Variants in PLEK2 observed in about 807,000 individuals in gnomAD.
PLEK2 encodes the protein pleckstrin-2.
A neutral mutation model predicts 43.8 loss-of-function variants in PLEK2; 29 were observed. That is an observed-to-expected ratio of 0.66 (90% CI 0.49 to 0.90). The LOEUF is 0.90. Ranked by LOEUF, PLEK2 falls within the 40% of genes least tolerant of loss-of-function variation. The pLI is 0.00. For synonymous variants in PLEK2, 162 were observed against 173.2 expected, an observed-to-expected ratio of 0.94 and a Z score of 0.51; for missense variants, 398 against 448.1, an observed-to-expected ratio of 0.89 and a Z score of 1.01.
rs1419278253 is a variant in PLEK2, at chr14:67,403,931, A to ACAC, written c.43-6106_43-6105insGTG. ...GCTGGGTGTGGTGGCACACTCCTGT[A>ACAC]GTCTCAGCCAACTCAAGAGGCTGAG... is the stretch of plus-strand genomic sequence containing the variant. On this transcript the variant is annotated intron_variant, in intron 1 of 8. Transcript: ENST00000216446. Among the ~76,000 whole-genome samples the ACAC allele has an allele frequency of 5.3e-5, 8 of 152,276 alleles. No homozygotes were observed. In the East Asian group the frequency reaches 1.4e-3, roughly 26 times the overall value.
At position 67,395,662 on chromosome 14, in the gene PLEK2, G is replaced by A. The variant is rs149617556; in HGVS notation, c.208-79C>T. ...CGGGCAGCAAAAATGACGGGGCCCCGGGAGAATCTAGGTGACAGTGACTGC... is the reference window on the plus strand; with the variant it reads ...CGGGCAGCAAAAATGACGGGGCCCCAGGAGAATCTAGGTGACAGTGACTGC... On this transcript the variant is annotated intron_variant, in intron 2 of 8. Coordinates refer to ENST00000216446, the MANE Select transcript of PLEK2 (RefSeq NM_016445.3). The A allele has an allele frequency of 2.2e-3, 2,634 of 1,223,948 alleles. 5 individuals are homozygous for A. The highest frequency in any genetic ancestry group is 2.5e-3 in the Non-Finnish European group (2,119 of 848,338). 75.8% of individuals were successfully genotyped at this position (1,223,948 alleles called of 1,614,324 possible). A position where few individuals can be genotyped will look rare whatever the true frequency, so the allele number is the denominator to read the frequency against.
At chr14:67,393,274 C>T (rs372795799) in intron 3 of PLEK2, 33 bp from the exon 4 acceptor site, 9 of 1,480,370 alleles carry the variant, frequency 6.1e-6, no homozygotes, top group African/African-American at 1.4e-5. Context: ...GAGAGGGAAC[C>T]CTCATCACGC....
At chr14:67,394,818 A>G (rs10143008) in intron 3 of PLEK2, among the ~76,000 whole-genome samples, 3,116 of 152,292 alleles carry the variant, frequency 0.02, 102 homozygotes, top group African/African-American at 0.071. Context: ...GGTTAAATGA[A>G]TTAATGAATT....
intron 1 of PLEK2, among the ~76,000 whole-genome samples, chr14:67,400,683 A>C (rs2086042095): frequency 6.6e-6 from 1 of 151,766 alleles, no homozygotes; most frequent in African/African-American, 2.4e-5. Flanking sequence ...GGTGGAGTAG[A>C]GGAGAGGGCA....
At chr14:67,399,509 G>C (rs957587722) in intron 1 of PLEK2, among the ~76,000 whole-genome samples, 1 of 144,238 alleles carries the variant, frequency 6.9e-6, no homozygotes, top group Non-Finnish European at 1.5e-5. Context: ...AATAGAGAAG[G>C]GTCGTTTAGG....
At chr14:67,411,158 A>AAAT (rs1355326400) in intron 1 of PLEK2, among the ~76,000 whole-genome samples, 4 of 149,620 alleles carry the variant, frequency 2.7e-5, no homozygotes, top group African/African-American at 9.8e-5. Flanking sequence ...AAAAAAAAAA[A>AAAT]GGTCAAATCA....
chr14:67,409,889 TG>T (rs1353777196), intron 1 of PLEK2, among the ~76,000 whole-genome samples: 1 of 152,106 alleles, frequency 6.6e-6, no homozygotes, highest in African/African-American at 2.4e-5. Flanking sequence ...TATGGAGGGT[TG>T]AAAAAGTTGG....
rs143220208 is a variant in PLEK2 at position 67,393,220 on chromosome 14, G to A, written c.411C>T (p.His137=). 4.5e-5 allele frequency: 73 copies of A among 1,613,520 alleles called. No homozygotes were observed. Among genetic ancestry groups the A allele is most frequent in the Admixed American group, 3.3e-5 (2 of 60,016 alleles). ...ISLHRIVDKM[H]DSNTGIRSSP... The stretch of plus-strand genomic sequence containing the variant: ...TTGAACGGATTCCGGTGTTGCTATC[G>A]TGCATCTTGTCCACAATGCGACTAC... Residue 137 remains histidine (H), a synonymous_variant, in exon 4 of 9, where the codon CAC becomes CAT. Transcript: ENST00000216446.
At chr14:67,390,467 C>G (rs949172418) in intron 7 of PLEK2, among the ~76,000 whole-genome samples, 196 bp downstream of exon 7, 1 of 152,174 alleles carries the variant, frequency 6.6e-6, no homozygotes, top group Non-Finnish European at 1.5e-5. Context: ...ATGGAAGAAA[C>G]GGCTCAAGAA....
intron 5 of PLEK2, 108 bp from the exon 6 acceptor site, chr14:67,392,535 G>C: frequency 1.7e-6 from 2 of 1,205,248 alleles, no homozygotes; most frequent in Non-Finnish European, 2.5e-6. Context: ...ACCTCATTCT[G>C]CATCAGGATG....
chr14:67,397,128 G>A (rs1403479361), intron 2 of PLEK2, among the ~76,000 whole-genome samples: 2 of 152,054 alleles, frequency 1.3e-5, no homozygotes. Flanking sequence ...TAGTAGAGAT[G>A]GGGTTTCACC....
intron 1 of PLEK2, 81 bp downstream of exon 1, chr14:67,411,937 G>C: frequency 7.7e-7 from 1 of 1,292,070 alleles, no homozygotes; most frequent in East Asian, 3.0e-5. Context: ...CCGTTCCGGG[G>C]CGCGCGTCTG....
At chr14:67,390,912 A>G (rs941706247) in intron 6 of PLEK2, among the ~76,000 whole-genome samples, 166 bp from the exon 7 acceptor site, 1 of 151,968 alleles carries the variant, frequency 6.6e-6, no homozygotes, top group African/African-American at 2.4e-5. Flanking sequence ...CATGTCACAG[A>G]CCTCCCTGCC....
At chr14:67,391,088 C>T (rs1156572704) in intron 6 of PLEK2, among the ~76,000 whole-genome samples, 1 of 152,156 alleles carries the variant, frequency 6.6e-6, no homozygotes, top group Non-Finnish European at 1.5e-5. Context: ...CACAGGCAAA[C>T]TTGAACCCAA....
intron 1 of PLEK2, among the ~76,000 whole-genome samples, chr14:67,407,597 T>C (rs1021884549): frequency 2.0e-5 from 3 of 151,650 alleles, no homozygotes; most frequent in Middle Eastern, 3.2e-3. Flanking sequence ...AGTACCACCA[T>C]GACTGGCTAA....
intron 1 of PLEK2, among the ~76,000 whole-genome samples, chr14:67,411,734 A>G (rs2086116353): frequency 6.6e-6 from 1 of 152,254 alleles, no homozygotes; most frequent in Non-Finnish European, 1.5e-5. Context: ...TATTTTAACA[A>G]GTTTTAATTA....
At chr14:67,391,535 T>C (rs550412257) in intron 6 of PLEK2, among the ~76,000 whole-genome samples, 4 of 152,138 alleles carry the variant, frequency 2.6e-5, no homozygotes, top group Non-Finnish European at 4.4e-5. Context: ...GATCCTGATA[T>C]GCAGGAAGCA....
chr14:67,393,485 G>A (rs1349254379), intron 3 of PLEK2, among the ~76,000 whole-genome samples: 4 of 152,020 alleles, frequency 2.6e-5, no homozygotes, highest in East Asian at 3.9e-4. Flanking sequence ...ACAGAGTCTC[G>A]CTCCGTCACC....
Position 67,388,274 on chromosome 14 carries a change from GAA to G in PLEK2, c.882_883del (p.Leu296SerfsTer11). 1.2e-6 allele frequency: 2 copies of G among 1,613,308 alleles called. No individual in the cohort carries two copies. Among genetic ancestry groups the G allele is most frequent in the Non-Finnish European group, 1.7e-6 (2 of 1,179,300 alleles). ...AGCAGACACGAGTGAACCACGAAGA[GAA>G]AACCCACCCACTGGCCTGTTCTCTT... On this transcript the variant is annotated frameshift_variant, in exon 8 of 9. Transcript: ENST00000216446. LOFTEE classifies it high-confidence loss of function.
Sources: allele counts gnomAD v4.1 joint callset (sites outside exome capture counted in the v4.1 genomes callset), GRCh38; gene constraint gnomAD v4.1.1; transcripts MANE v1.5; gene names NCBI Gene and HGNC (gene_info 2026-07-23, HGNC 2026-07-21).